Variants in NYAP2 observed in about 807,000 individuals in gnomAD.
The protein encoded by NYAP2 is neuronal tyrosine-phosphorylated phosphoinositide-3-kinase adaptor 2.
A neutral mutation model predicts 50.4 loss-of-function variants in NYAP2; 23 were observed. The observed-to-expected ratio is 0.46, with a 90% CI of 0.33 to 0.65. The LOEUF (loss-of-function observed/expected upper bound fraction) is 0.65, where lower values mean the gene tolerates loss of function less well. Ranked by LOEUF, NYAP2 falls within the 30% of genes least tolerant of loss-of-function variation. The probability of loss-of-function intolerance (pLI) is 0.02; values close to 1 mark genes in which losing one functional copy is unlikely to be tolerated. For synonymous variants in NYAP2, 394 were observed against 365.2 expected (o/e 1.08, Z -0.90); for missense variants, 885 against 861.0 (o/e 1.03, Z -0.35).
chr2:225,521,915 T>C (rs1445653198), intron 4 of NYAP2, among the ~76,000 whole-genome samples: 1 of 152,170 alleles, frequency 6.6e-6, no homozygotes, highest in Non-Finnish European at 1.5e-5. Context: ...GGACTCTTTT[T>C]TGTTGGTAAG....
intron 4 of NYAP2, among the ~76,000 whole-genome samples, chr2:225,570,370 T>C (rs1692046597): frequency 1.3e-5 from 2 of 152,192 alleles, no homozygotes; most frequent in African/African-American, 4.8e-5. Context: ...TAAGAAACTA[T>C]ATTTGTCCAT....
rs569813014 is a variant in NYAP2 at position 225,591,492 on chromosome 2, A to G, written c.1618+8457A>G. Among the ~76,000 whole-genome samples the G allele has an allele frequency of 2.6e-5, 4 of 152,276 alleles. No individual in the cohort carries two copies. In the South Asian group the frequency reaches 8.3e-4, roughly 32 times the overall value. ...GATGTGGAAGAAGGCAGCAGTGCCC[A>G]GCCCCTTCCTCGAGAACACTTCCAT... On this transcript the variant is annotated intron_variant, in intron 5 of 6. Transcript: ENST00000636099.
chr2:225,618,897 C>T (rs1026440769), intron 5 of NYAP2, among the ~76,000 whole-genome samples: 1 of 152,030 alleles, frequency 6.6e-6, no homozygotes, highest in Non-Finnish European at 1.5e-5. Flanking sequence ...AAAGTGAAGG[C>T]AAGAATAGAG....
At chr2:225,523,740 A>G (rs1371389295) in intron 4 of NYAP2, among the ~76,000 whole-genome samples, 2 of 152,120 alleles carry the variant, frequency 1.3e-5, no homozygotes, top group Admixed American at 6.6e-5. Context: ...CCAAAAAAAC[A>G]AGGCCTGAAT....
chr2:225,620,844 G>A (rs750169688), intron 5 of NYAP2, among the ~76,000 whole-genome samples: 10 of 152,148 alleles, frequency 6.6e-5, no homozygotes, highest in African/African-American at 9.7e-5. Context: ...GGCCAGGCGC[G>A]GTGGCTCACA....
chr2:225,581,941 C>T lies in NYAP2; in HGVS notation c.524C>T (p.Ala175Val), dbSNP rs998378676. The T allele has an allele frequency of 7.6e-6, 12 of 1,588,400 alleles. No individual in the cohort carries two copies. In the Admixed American group the frequency reaches 8.8e-5, roughly 12 times the overall value. The change falls in exon 5 of 7, where the codon GCG (alanine) becomes GTG (valine). Residue 175 changes from alanine (A) to valine (V), a missense_variant and splice_region_variant. Coordinates refer to ENST00000636099, the Ensembl canonical transcript of NYAP2. ...TCCACTACGTTTTTTCTTCTTTTAG[C>T]GTCAGCTAAACCAAGACCCCACAGC... is the stretch of plus-strand genomic sequence containing the variant.
chr2:225,563,764 A>C lies in NYAP2; in HGVS notation c.524-18177A>C, dbSNP rs182191642. Among the ~76,000 whole-genome samples the C allele has an allele frequency of 1.6e-3, 244 of 152,278 alleles. 1 individual carries two copies. The highest frequency in any genetic ancestry group is 5.6e-3 in the African/African-American group (231 of 41,568). On this transcript the variant is annotated intron_variant, in intron 4 of 6. Transcript: ENST00000636099. ...AAATTCAAATTCAAATTTGAGTTTG[A>C]AAATGTACTTTCAAATTAGTTTTAG...
chr2:225,517,249 C>T (rs541401292), intron 4 of NYAP2, among the ~76,000 whole-genome samples: 121 of 152,176 alleles, frequency 8.0e-4, no homozygotes, highest in African/African-American at 2.8e-3. Flanking sequence ...TTTAATTACC[C>T]CTTTTTATTG....
At chr2:225,589,424 C>A (rs1051315191) in intron 5 of NYAP2, among the ~76,000 whole-genome samples, 23 of 149,674 alleles carry the variant, frequency 1.5e-4, no homozygotes, top group African/African-American at 4.2e-4. Context: ...AATCCCAACA[C>A]TTTGGGAGGC....
chr2:225,438,589 A>T (rs1350850994), intron 3 of NYAP2, among the ~76,000 whole-genome samples: 1 of 152,256 alleles, frequency 6.6e-6, no homozygotes, highest in Non-Finnish European at 1.5e-5. Flanking sequence ...CTGTATTTCC[A>T]AATGAAAGAA....
chr2:225,412,178 C>CT (rs1314223392), intron 3 of NYAP2, among the ~76,000 whole-genome samples: 2 of 144,950 alleles, frequency 1.4e-5, no homozygotes, highest in Non-Finnish European at 3.0e-5. Context: ...AAGATGGTCT[C>CT]TATCTCTTGA....
At chr2:225,633,237 C>T (rs1426255655) in intron 6 of NYAP2, among the ~76,000 whole-genome samples, 1 of 152,190 alleles carries the variant, frequency 6.6e-6, no homozygotes, top group Non-Finnish European at 1.5e-5. Context: ...CATACCCACA[C>T]ATGCACACAG....
At chr2:225,485,726 G>A (rs1181937750) in intron 3 of NYAP2, among the ~76,000 whole-genome samples, 1 of 152,142 alleles carries the variant, frequency 6.6e-6, no homozygotes, top group East Asian at 1.9e-4. Context: ...CACAGAAAGG[G>A]AGAGATGGAT....
At chr2:225,415,291 A>G (rs1248692023) in intron 3 of NYAP2, among the ~76,000 whole-genome samples, 1 of 152,228 alleles carries the variant, frequency 6.6e-6, no homozygotes, top group African/African-American at 2.4e-5. Context: ...AAGAACCACT[A>G]AAGTCCATCC....
chr2:225,619,715 C>T (rs913663543), intron 5 of NYAP2, among the ~76,000 whole-genome samples: 3 of 152,092 alleles, frequency 2.0e-5, no homozygotes, highest in African/African-American at 7.2e-5. Context: ...TCAGGGTTAG[C>T]TGCATGAGGT....
At chr2:225,433,804 G>C (rs1220623721) in intron 3 of NYAP2, among the ~76,000 whole-genome samples, 8 of 113,046 alleles carry the variant, frequency 7.1e-5, no homozygotes, top group Middle Eastern at 9.3e-3. Context: ...GCGACAGAGC[G>C]AGACTCCGTC....
chr2:225,682,184 A>T, the NYAP2 span, among the ~76,000 whole-genome samples: 1 of 152,124 alleles, frequency 6.6e-6, no homozygotes, highest in Non-Finnish European at 1.5e-5. Context: ...ACTGGTCTTG[A>T]AGAAGATATT....
At chr2:225,558,339 A>T (rs181985539) in intron 4 of NYAP2, among the ~76,000 whole-genome samples, 333 of 152,276 alleles carry the variant, frequency 2.2e-3, no homozygotes, top group South Asian at 6.2e-3. Context: ...CAGCATGTCT[A>T]TATTTACTTT....
At chr2:225,702,964 A>AT in the NYAP2 span, 2 of 151,632 alleles carry the variant, frequency 1.3e-5, no homozygotes, top group African/African-American at 4.8e-5. Context: ...TACATACTGT[A>AT]TATAATATAT....
Sources: allele counts gnomAD v4.1 joint callset (sites outside exome capture counted in the v4.1 genomes callset), GRCh38; gene constraint gnomAD v4.1.1; transcripts MANE v1.5; gene names NCBI Gene and HGNC (gene_info 2026-07-23, HGNC 2026-07-21).